The following SHQ1 variants were observed in gnomAD, a reference collection of about 807,000 sequenced individuals.
SHQ1 encodes the protein SHQ1, H/ACA ribonucleoprotein assembly factor.
Under a neutral mutation model 53.8 loss-of-function variants are expected in SHQ1, and 49 were observed. That is an observed-to-expected ratio of 0.91 (90% CI 0.72 to 1.16). SHQ1 has a LOEUF of 1.16. SHQ1 is among the 50% of genes most tolerant of loss of function. The probability of loss-of-function intolerance (pLI) is 0.00; values close to 1 mark genes in which losing one functional copy is unlikely to be tolerated. For synonymous variants in SHQ1, 243 were observed against 251.0 expected, an observed-to-expected ratio of 0.97 and a Z score of 0.30; for missense variants, 738 against 683.1, an observed-to-expected ratio of 1.08 and a Z score of -0.90.
In SHQ1 at chr3:72,845,584, A is replaced by G. The variant is rs148662795; in HGVS notation, c.144-1161T>C. On this transcript the variant is annotated intron_variant, in intron 1 of 10. Coordinates refer to ENST00000325599, the MANE Select transcript of SHQ1 (RefSeq NM_018130.3). Reference sequence around the variant, plus strand: ...ACTGAGGCTCCAAAATAATTTTTCTAAAACAGGAATCTAATTGTCACTTTT... The same window carrying G: ...ACTGAGGCTCCAAAATAATTTTTCTGAAACAGGAATCTAATTGTCACTTTT... Among the ~76,000 whole-genome samples, 707 of 152,302 alleles carry G rather than the reference A, an allele frequency of 4.6e-3. 2 individuals are homozygous for G. The highest frequency in any genetic ancestry group is 0.014 in the African/African-American group (602 of 41,570).
At chr3:72,783,162 C>T (rs1354067083) in intron 10 of SHQ1, among the ~76,000 whole-genome samples, 1 of 152,136 alleles carries the variant, frequency 6.6e-6, no homozygotes, top group African/African-American at 2.4e-5. Flanking sequence ...AGAACAGAGA[C>T]TTCTAACACA....
chr3:72,808,767 C>T (rs917264242), intron 9 of SHQ1, among the ~76,000 whole-genome samples: 6 of 152,130 alleles, frequency 3.9e-5, no homozygotes, highest in Non-Finnish European at 8.8e-5. Flanking sequence ...ATTATTAACA[C>T]ATCAGGACAG....
chr3:72,777,623 C>A (rs1705985084), intron 10 of SHQ1, among the ~76,000 whole-genome samples: 1 of 152,174 alleles, frequency 6.6e-6, no homozygotes, highest in Non-Finnish European at 1.5e-5. Flanking sequence ...ACTGGTATGG[C>A]CACTTTGGAA....
At position 72,788,432 on chromosome 3, in the gene SHQ1, GC is replaced by G. The variant is rs1706316372; in HGVS notation, c.1181+4483del. On this transcript the variant is annotated intron_variant, in intron 10 of 10. Transcript: ENST00000325599. ...CGTCTGAGAAGTGAGGAGCCTCTCT[GC>G]CCGGCAGCCGCCCTGTCAGGGAAGT... 4.6e-5 allele frequency among the ~76,000 whole-genome samples: 7 copies of G among 151,654 alleles called. No homozygotes were observed. The South Asian group carries it at 1.5e-3, about 32-fold the overall frequency.
In SHQ1 at chr3:72,750,678, G is replaced by A. The variant is rs1181545638; in HGVS notation, c.1340C>T (p.Thr447Ile). Residue 447 changes from threonine (T) to isoleucine (I), a missense_variant, in exon 11 of 11, where the codon ACA becomes ATA. Thr to Ile is a moderately conservative substitution (Grantham distance 89, BLOSUM62 -1). Coordinates refer to ENST00000325599, the MANE Select transcript of SHQ1 (RefSeq NM_018130.3). The part of the protein sequence containing the change: ...KAAHSVSGQQ[T>I]LCSSSEASDS... ...ACTTGCCTCAGAGCTGGAGCAAAGT[G>A]TCTGCTGCCCAGAAACTGAATGGGC... 2 of 1,608,606 alleles carry A rather than the reference G, an allele frequency of 1.2e-6. No homozygotes were observed. The highest frequency in any genetic ancestry group is 2.2e-5 in the South Asian group (2 of 90,518).
rs147501917 is a variant in SHQ1 at position 72,832,986 on chromosome 3, T to C, written c.487-505A>G. ...CTTGGGAAGAGAGTGTTTTGGATCT[T>C]GAATATTTCTAAATTTTGGAATACT... On this transcript the variant is annotated intron_variant, in intron 4 of 10. Transcript: ENST00000325599. Among the ~76,000 whole-genome samples the C allele has an allele frequency of 3.6e-3, 542 of 152,314 alleles. 4 individuals carry two copies. Among genetic ancestry groups the C allele is most frequent in the African/African-American group, 0.012 (485 of 41,564 alleles).
At chr3:72,786,782 C>A (rs956829729) in intron 10 of SHQ1, among the ~76,000 whole-genome samples, 5 of 152,152 alleles carry the variant, frequency 3.3e-5, no homozygotes, top group African/African-American at 1.2e-4. Context: ...CCACCTGGCA[C>A]ATAATAGAGC....
At chr3:72,792,758 TG>T (rs1706477723) in intron 10 of SHQ1, among the ~76,000 whole-genome samples, 157 bp downstream of exon 10, 2 of 115,994 alleles carry the variant, frequency 1.7e-5, no homozygotes, top group African/African-American at 3.5e-5. Context: ...CACTCCAGCC[TG>T]GGTGACAAGG....
At chr3:72,834,829 A>G (rs1297038622) in intron 4 of SHQ1, among the ~76,000 whole-genome samples, 2 of 152,192 alleles carry the variant, frequency 1.3e-5, no homozygotes, top group African/African-American at 4.8e-5. Context: ...CTTACTGTCA[A>G]GTCCAGTAAC....
chr3:72,796,394 T>C (rs1706622817), intron 9 of SHQ1, among the ~76,000 whole-genome samples: 1 of 152,116 alleles, frequency 6.6e-6, no homozygotes, highest in Non-Finnish European at 1.5e-5. Context: ...ACAGCAGCCA[T>C]TACCTGATAA....
intron 10 of SHQ1, among the ~76,000 whole-genome samples, chr3:72,781,170 G>A (rs1303378577): frequency 2.7e-5 from 4 of 149,100 alleles, no homozygotes; most frequent in East Asian, 2.0e-4. Flanking sequence ...AGCGATTCTC[G>A]TGCCTCAGCC....
chr3:72,766,293 C>T (rs945669937), intron 10 of SHQ1, among the ~76,000 whole-genome samples: 1 of 152,178 alleles, frequency 6.6e-6, no homozygotes, highest in African/African-American at 2.4e-5. Context: ...CCGATTCTGA[C>T]ATAGCTAATT....
At chr3:72,751,149 GC>G (rs1252309696) in intron 10 of SHQ1, among the ~76,000 whole-genome samples, 1 of 152,110 alleles carries the variant, frequency 6.6e-6, no homozygotes, top group East Asian at 1.9e-4. Context: ...AGTGGCTCAC[GC>G]CTGTAACCCC....
In SHQ1 at chr3:72,750,721, C is replaced by T. The variant is rs773715839; in HGVS notation, c.1297G>A (p.Glu433Lys). Residue 433 changes from glutamate (E) to lysine (K), a missense_variant, in exon 11 of 11, where the codon GAA (glutamate) becomes AAA (lysine). Transcript: ENST00000325599. ...EAAALLVQEE[E>K]TALKAAHSVS... ...GAATGGGCTGCTTTTAATGCAGTTT[C>T]TTCCTCCTGGACAAGCAGTGCTGCT... is the stretch of plus-strand genomic sequence containing the variant. 6.4e-7 allele frequency: 1 copy of T among 1,564,786 alleles called. No homozygotes were observed. The highest frequency in any genetic ancestry group is 8.7e-7 in the Non-Finnish European group (1 of 1,153,690).
At chr3:72,763,191 G>A (rs1419214295) in intron 10 of SHQ1, among the ~76,000 whole-genome samples, 10 of 152,150 alleles carry the variant, frequency 6.6e-5, no homozygotes, top group African/African-American at 2.4e-4. Flanking sequence ...AAGGACAGAA[G>A]AAATGGGGAC....
intron 3 of SHQ1, among the ~76,000 whole-genome samples, chr3:72,841,809 G>A (rs954468950): frequency 1.9e-4 from 29 of 152,146 alleles, no homozygotes; most frequent in Admixed American, 1.8e-3. Context: ...TAGACCCTTC[G>A]CAGGCACAGT....
chr3:72,813,830 C>CAT (rs1707212470), intron 8 of SHQ1, among the ~76,000 whole-genome samples: 1 of 108,204 alleles, frequency 9.2e-6, no homozygotes, highest in Non-Finnish European at 1.8e-5. Flanking sequence ...TCCTCTTTTT[C>CAT]TTTTTTTTTT....
At position 72,789,969 on chromosome 3, in the gene SHQ1, C is replaced by T. The variant is rs115180416; in HGVS notation, c.1181+2947G>A. On this transcript the variant is annotated intron_variant, in intron 10 of 10. Transcript: ENST00000325599. ...ATCTTGAAAAATATGAAATCTGGAA[C>T]CAGAAGACCTGACCTATCTCTTATA... Among the ~76,000 whole-genome samples, 469 of 152,232 alleles carry T rather than the reference C, an allele frequency of 3.1e-3. 6 individuals carry two copies. The highest frequency in any genetic ancestry group is 0.011 in the African/African-American group (444 of 41,530).
intron 10 of SHQ1, among the ~76,000 whole-genome samples, chr3:72,786,964 C>A (rs1057320057): frequency 2.0e-5 from 3 of 152,188 alleles, no homozygotes; most frequent in African/African-American, 7.2e-5. Context: ...TAGCATAATC[C>A]TATCCCCTTC....
Sources: gnomAD v4.1 joint callset for allele counts (sites outside exome capture counted in the v4.1 genomes callset) on GRCh38, gnomAD v4.1.1 for gene constraint, MANE v1.5 for transcripts, NCBI Gene and HGNC (gene_info 2026-07-23, HGNC 2026-07-21) for gene names.